Variants in TYW1B observed in about 807,000 individuals in gnomAD.
TYW1B encodes tRNA-yW synthesizing protein 1 homolog B, also known as S-adenosyl-L-methionine-dependent tRNA 4-demethylwyosine synthase TYW1B.
TYW1B carries 73 observed loss-of-function variants against 86.9 expected under a neutral mutation model. The ratio of observed to expected loss-of-function variants is 0.84; its 90% confidence interval spans 0.70 to 1.02. The LOEUF (loss-of-function observed/expected upper bound fraction) is 1.02. TYW1B is among the 50% of genes least tolerant of loss of function. The probability of loss-of-function intolerance (pLI) is 0.00; values close to 1 mark genes in which losing one functional copy is unlikely to be tolerated. For missense variants in TYW1B, 637 were observed against 827.4 expected, an observed-to-expected ratio of 0.77 and a Z score of 2.82; for synonymous variants, 248 against 292.8, an observed-to-expected ratio of 0.85 and a Z score of 1.56.
intron 11 of TYW1B, among the ~76,000 whole-genome samples, chr7:72,631,149 T>A (rs556756572): frequency 6.7e-6 from 1 of 150,110 alleles, no homozygotes; most frequent in Non-Finnish European, 1.5e-5. Context: ...ATTAAACACA[T>A]CCTTAACATT....
At chr7:72,626,908 C>T (rs1424172542) in intron 12 of TYW1B, among the ~76,000 whole-genome samples, 6 of 151,898 alleles carry the variant, frequency 4.0e-5, no homozygotes, top group African/African-American at 7.3e-5. Context: ...CCCAGCTTCA[C>T]GCCCTTTCCT....
intron 4 of TYW1B, among the ~76,000 whole-genome samples, chr7:72,808,823 G>A (rs1455023171): frequency 6.6e-6 from 1 of 151,706 alleles, no homozygotes; most frequent in Non-Finnish European, 1.5e-5. Context: ...CACTGCACCC[G>A]GCCGTAAACA....
intron 6 of TYW1B, among the ~76,000 whole-genome samples, chr7:72,794,543 G>A (rs188115751): frequency 3.3e-5 from 5 of 151,436 alleles, no homozygotes; most frequent in East Asian, 3.9e-4. Flanking sequence ...ATGAGACAGC[G>A]AGATTCTGTC....
At chr7:72,761,625 A>AGAAT (rs772042196) in intron 7 of TYW1B, among the ~76,000 whole-genome samples, 191 of 152,026 alleles carry the variant, frequency 1.3e-3, no homozygotes, top group Non-Finnish European at 6.5e-4. Context: ...TTTAATTTAA[A>AGAAT]AATTTTTTAA....
chr7:72,581,792 C>T (rs1388822074), intron 13 of TYW1B, among the ~76,000 whole-genome samples: 8 of 151,756 alleles, frequency 5.3e-5, no homozygotes, highest in African/African-American at 1.9e-4. Context: ...AGTGGCCAGG[C>T]GCAGACACTC....
chr7:72,776,350 T>C (rs1460444471), intron 7 of TYW1B, among the ~76,000 whole-genome samples: 5 of 151,758 alleles, frequency 3.3e-5, no homozygotes, highest in Non-Finnish European at 5.9e-5. Context: ...TTTGGGAGGC[T>C]GAGGTGGCAG....
intron 11 of TYW1B, among the ~76,000 whole-genome samples, chr7:72,632,463 A>ATATATATAATATATATATATACG (rs1563039017): frequency 1.1e-4 from 12 of 109,882 alleles, no homozygotes; most frequent in African/African-American, 4.4e-4. Context: ...ATATATATAC[A>ATATATATAATATATATATATACG]TATATATATA....
intron 11 of TYW1B, among the ~76,000 whole-genome samples, chr7:72,687,494 G>A (rs189585315): frequency 6.6e-6 from 1 of 152,146 alleles, no homozygotes; most frequent in East Asian, 1.9e-4. Context: ...TTCAGTACCT[G>A]TATCTGGACT....
chr7:72,768,808 C>A, intron 7 of TYW1B: 1 of 178,984 alleles, frequency 5.6e-6, no homozygotes, highest in Non-Finnish European at 1.2e-5. Flanking sequence ...AAAAATCGAA[C>A]CTGTGGTGCA....
At chr7:72,793,706 G>T (rs1382012581) in intron 6 of TYW1B, among the ~76,000 whole-genome samples, 1 of 147,914 alleles carries the variant, frequency 6.8e-6, no homozygotes, top group Non-Finnish European at 1.5e-5. Flanking sequence ...ATTGAGCCAA[G>T]ATCACACCAC....
At chr7:72,748,381 A>G (rs1402212621) in intron 7 of TYW1B, among the ~76,000 whole-genome samples, 2 of 152,132 alleles carry the variant, frequency 1.3e-5, no homozygotes, top group Non-Finnish European at 2.9e-5. Context: ...GATTTTCTAC[A>G]TAACAATCAT....
intron 8 of TYW1B, among the ~76,000 whole-genome samples, chr7:72,739,289 C>G (rs1787257647): frequency 6.6e-6 from 1 of 151,996 alleles, no homozygotes. Context: ...TAAAAAAACT[C>G]TATAATAAGA....
chr7:72,647,631 TTG>T (rs558497907), intron 11 of TYW1B, among the ~76,000 whole-genome samples: 15 of 152,284 alleles, frequency 9.9e-5, no homozygotes, highest in Admixed American at 5.2e-4. Context: ...ACTTATGTTT[TTG>T]TACCTCGTTC....
At chr7:72,657,050 A>T (rs1356220561) in intron 11 of TYW1B, among the ~76,000 whole-genome samples, 4 of 152,216 alleles carry the variant, frequency 2.6e-5, no homozygotes. Flanking sequence ...AAGATCTCAA[A>T]GAAAAGGAAA....
chr7:72,682,770 C>A (rs1563057748), intron 11 of TYW1B, among the ~76,000 whole-genome samples: 1 of 152,198 alleles, frequency 6.6e-6, no homozygotes, highest in Non-Finnish European at 1.5e-5. Context: ...AGAATCACAA[C>A]TTAACAGGAG....
intron 9 of TYW1B, among the ~76,000 whole-genome samples, 181 bp from the exon 10 acceptor site, chr7:72,713,979 T>C (rs2129570728): frequency 6.6e-6 from 1 of 150,936 alleles, no homozygotes; most frequent in East Asian, 1.9e-4. Flanking sequence ...GTCAGTAACC[T>C]CATTCTTAGT....
At chr7:72,795,008 C>T (rs752655316) in intron 6 of TYW1B, among the ~76,000 whole-genome samples, 3 of 151,832 alleles carry the variant, frequency 2.0e-5, no homozygotes, top group Non-Finnish European at 4.4e-5. Context: ...TTGGTAGAGA[C>T]AGGGTTTTGC....
intron 11 of TYW1B, among the ~76,000 whole-genome samples, chr7:72,672,666 C>A (rs1260012306): frequency 1.3e-5 from 2 of 152,112 alleles, no homozygotes; most frequent in Non-Finnish European, 2.9e-5. Flanking sequence ...GTGGGTTCTG[C>A]AGGGTGAACT....
At chr7:72,672,566 G>A (rs1201435983) in intron 11 of TYW1B, among the ~76,000 whole-genome samples, 7 of 150,836 alleles carry the variant, frequency 4.6e-5, no homozygotes, top group Admixed American at 2.7e-4. Context: ...GGTTCCTTCA[G>A]CATCTGCAGA....
Sources: allele counts gnomAD v4.1 joint callset (sites outside exome capture counted in the v4.1 genomes callset), GRCh38; gene constraint gnomAD v4.1.1; transcripts MANE v1.5; gene names NCBI Gene and HGNC (gene_info 2026-07-23, HGNC 2026-07-21).